NAP1L4: variants seen among roughly 807,000 people sequenced by gnomAD.
NAP1L4 encodes nucleosome assembly protein 1-like 4.
In NAP1L4, 15 loss-of-function variants were observed where a neutral mutation model predicts 58.2. That is an observed-to-expected ratio of 0.26 (90% CI 0.17 to 0.40). NAP1L4 has a LOEUF of 0.40. Among genes scored for constraint, NAP1L4 ranks in the 10% least tolerant of loss-of-function variants. The probability of loss-of-function intolerance (pLI) is 1.00; values close to 1 mark genes in which losing one functional copy is unlikely to be tolerated. For synonymous variants in NAP1L4, 171 were observed against 155.6 expected (o/e 1.10, Z -0.74); for missense variants, 384 against 451.1 (o/e 0.85, Z 1.35).
chr11:2,962,552 G>C (rs143065884), intron 8 of NAP1L4, among the ~76,000 whole-genome samples: 2 of 152,336 alleles, frequency 1.3e-5, no homozygotes, highest in African/African-American at 4.8e-5. Flanking sequence ...AAAGGAAAAA[G>C]AGTATGGGGA....
chr11:2,947,344 T>C (rs180673102), intron 15 of NAP1L4, among the ~76,000 whole-genome samples: 6 of 152,346 alleles, frequency 3.9e-5, no homozygotes, highest in East Asian at 1.9e-4. Flanking sequence ...CTAGAGGGAA[T>C]AGAGTCCGCA....
intron 7 of NAP1L4, among the ~76,000 whole-genome samples, chr11:2,968,462 C>T (rs192823889): frequency 1.4e-3 from 218 of 152,194 alleles, no homozygotes; most frequent in Non-Finnish European, 2.4e-3. Context: ...AAGCTCAGAT[C>T]AGGAAAAACC....
At chr11:2,990,313 T>G (rs1848885056) in intron 1 of NAP1L4, 1 of 152,248 alleles carries the variant, frequency 6.6e-6, no homozygotes, top group South Asian at 2.1e-4. Context: ...TAAAAATATC[T>G]CTAAGTAAAC....
In NAP1L4 at chr11:2,958,557, G is replaced by T; in HGVS notation, c.747-13C>A. Reference sequence around the variant, plus strand: ...GTCAATAGTACACCTACCAGGACAAGACAGCTGTCAGGAACACACAATCCA... The same window carrying T: ...GTCAATAGTACACCTACCAGGACAATACAGCTGTCAGGAACACACAATCCA... On this transcript the variant is annotated splice_polypyrimidine_tract_variant and intron_variant, in intron 9 of 15. Transcript: ENST00000380542. The T allele has an allele frequency of 6.2e-7, 1 of 1,611,064 alleles. No homozygotes were observed. Among genetic ancestry groups the T allele is most frequent in the South Asian group, 1.1e-5 (1 of 90,304 alleles).
chr11:2,956,108 G>A (rs888505103), intron 10 of NAP1L4, among the ~76,000 whole-genome samples: 1 of 152,238 alleles, frequency 6.6e-6, no homozygotes, highest in Non-Finnish European at 1.5e-5. Flanking sequence ...CAGTGCATTT[G>A]TGCTTTATGG....
At chr11:2,947,408 T>C (rs1270519012) in intron 15 of NAP1L4, among the ~76,000 whole-genome samples, 4 of 152,002 alleles carry the variant, frequency 2.6e-5, no homozygotes, top group East Asian at 1.9e-4. Flanking sequence ...TGGAGGGGAG[T>C]AGGCCATGCA....
intron 3 of NAP1L4, among the ~76,000 whole-genome samples, chr11:2,978,042 A>G (rs1564988103): frequency 6.6e-6 from 1 of 152,126 alleles, no homozygotes; most frequent in Admixed American, 6.5e-5. Flanking sequence ...ATCAATACTA[A>G]AGCTCACTGA....
intron 4 of NAP1L4, among the ~76,000 whole-genome samples, chr11:2,973,850 C>A (rs1488298156): frequency 6.6e-6 from 1 of 152,050 alleles, no homozygotes; most frequent in Non-Finnish European, 1.5e-5. Flanking sequence ...CTCACTGTAG[C>A]CTCAACTTTC....
intron 8 of NAP1L4, among the ~76,000 whole-genome samples, chr11:2,961,346 G>A (rs1846892267): frequency 6.6e-6 from 1 of 152,052 alleles, no homozygotes; most frequent in Non-Finnish European, 1.5e-5. Flanking sequence ...CACTGGCCTT[G>A]GCAAGAGCAA....
chr11:2,990,127 T>G (rs1292149822), intron 1 of NAP1L4: 1 of 123,296 alleles, frequency 8.1e-6, no homozygotes, highest in African/African-American at 3.6e-5. Flanking sequence ...CACAAAAGTG[T>G]TATATGTGCC....
intron 7 of NAP1L4, among the ~76,000 whole-genome samples, chr11:2,969,471 AGATGGGCTCTG>A (rs1177704571): frequency 6.6e-6 from 1 of 152,146 alleles, no homozygotes; most frequent in African/African-American, 2.4e-5. Flanking sequence ...AGGAAGACAG[AGATGGGCTCTG>A]GAATCTATTC....
chr11:2,960,476 G>C (rs1206000313), intron 8 of NAP1L4, among the ~76,000 whole-genome samples: 3 of 152,188 alleles, frequency 2.0e-5, no homozygotes, highest in Non-Finnish European at 2.9e-5. Context: ...AGAGACGTGA[G>C]CACACCGGGA....
Position 2,945,348 on chromosome 11 carries a change from G to A in NAP1L4, c.*331C>T, listed in dbSNP as rs539264651. On this transcript the variant is annotated 3_prime_UTR_variant, in exon 16 of 16. Transcript: ENST00000380542. ...GGCCCTCCCACAGGGAAAGGCCCAG[G>A]GAAGTCCAGAGCTACAGGCACCAAG... 6.6e-6 allele frequency: 3 copies of A among 454,252 alleles called. No individual in the cohort carries two copies. Among genetic ancestry groups the A allele is most frequent in the Non-Finnish European group, 7.9e-6 (2 of 253,520 alleles). 28.1% of individuals were successfully genotyped at this position (454,252 alleles called of 1,614,324 possible). A position where few individuals can be genotyped will look rare whatever the true frequency, so the allele number is the denominator to read the frequency against.
chr11:2,945,580 C>G lies in NAP1L4; in HGVS notation c.*99G>C, dbSNP rs376081626. On this transcript the variant is annotated 3_prime_UTR_variant, in exon 16 of 16. Transcript: ENST00000380542. Reference sequence around the variant, plus strand: ...CCCACAGGCCTGGAGTCCCGACAGCCGGTCTGCCAGGCACCCGCCTCCGCT... The same window carrying G: ...CCCACAGGCCTGGAGTCCCGACAGCGGGTCTGCCAGGCACCCGCCTCCGCT... 5.2e-6 allele frequency: 8 copies of G among 1,535,182 alleles called. No homozygotes were observed. In the East Asian group the frequency reaches 1.5e-4, roughly 28 times the overall value.
chr11:2,972,068 A>C, intron 5 of NAP1L4, 34 bp downstream of exon 5: 1 of 1,497,166 alleles, frequency 6.7e-7, no homozygotes, highest in Non-Finnish European at 8.9e-7. Context: ...TAAGCTGAAA[A>C]CTATCTGTAT....
chr11:2,960,472 G>A (rs1846814790), intron 8 of NAP1L4, among the ~76,000 whole-genome samples: 1 of 152,164 alleles, frequency 6.6e-6, no homozygotes, highest in South Asian at 2.1e-4. Context: ...TGGAAGAGAC[G>A]TGAGCACACC....
rs748068501 is a variant in NAP1L4 at position 2,949,303 on chromosome 11, A to T, written c.1123-39T>A. On this transcript the variant is annotated intron_variant, in intron 14 of 15. Coordinates refer to ENST00000380542, the MANE Select transcript of NAP1L4 (RefSeq NM_005969.4). The surrounding 1 kb of genome is among the most constrained non-coding windows in gnomAD (Gnocchi z 4.0). ...AAAATTGAAAGGAACTGTCAGCATG[A>T]AAGAAAATGAAATGCACAAAATTAT... 2.0e-6 allele frequency: 3 copies of T among 1,515,246 alleles called. No homozygotes were observed. The highest frequency in any genetic ancestry group is 1.8e-6 in the Non-Finnish European group (2 of 1,090,328). 93.9% of individuals were successfully genotyped at this position (1,515,246 alleles called of 1,614,324 possible).
rs1002446730 is a variant in NAP1L4 at position 2,954,250 on chromosome 11, A to G, written c.1035+277T>C. 1.4e-4 allele frequency: 73 copies of G among 504,906 alleles called. No individual in the cohort carries two copies. The highest frequency in any genetic ancestry group is 9.1e-4 in the Admixed American group (27 of 29,544). The allele number at this position is 504,906 out of a possible 1,614,324, so 31.3% of individuals were successfully genotyped here. A position where few individuals can be genotyped will look rare whatever the true frequency, so the allele number is the denominator to read the frequency against. On this transcript the variant is annotated intron_variant, in intron 12 of 15. Coordinates refer to ENST00000380542, the MANE Select transcript of NAP1L4 (RefSeq NM_005969.4). This position sits in a 1 kb window ranked among gnomAD's most constrained non-coding sequence, Gnocchi z 4.8. ...AGTTCCCTGAAGCTTAGGTTTTGAG[A>G]GAATATTGTTGAGTCACTAGGCAGG...
intron 15 of NAP1L4, among the ~76,000 whole-genome samples, chr11:2,947,770 T>A (rs892482260): frequency 1.3e-4 from 20 of 151,924 alleles, no homozygotes; most frequent in African/African-American, 4.8e-4. Context: ...AGGAAAAAAA[T>A]CTCATCTCTC....
Sources: allele counts gnomAD v4.1 joint callset (sites outside exome capture counted in the v4.1 genomes callset), GRCh38; gene constraint gnomAD v4.1.1; non-coding constraint Gnocchi (gnomAD v3.1); transcripts MANE v1.5; gene names NCBI Gene and HGNC (gene_info 2026-07-23, HGNC 2026-07-21).